Variants in PRR16 observed in about 807,000 individuals in gnomAD.
PRR16 encodes proline rich 16.
Under a neutral mutation model 18.2 loss-of-function variants are expected in PRR16, and 6 were observed. That is an observed-to-expected ratio of 0.33 (90% confidence interval 0.18 to 0.65). The LOEUF is 0.65. PRR16 is among the 30% of genes least tolerant of loss of function. The pLI is 0.74. For synonymous variants in PRR16, 151 were observed against 147.8 expected (o/e 1.02, Z -0.16); for missense variants, 412 against 376.6 (o/e 1.09, Z -0.78).
At chr5:120,725,493 C>T in the PRR16 span, among the ~76,000 whole-genome samples, 1 of 151,688 alleles carries the variant, frequency 6.6e-6, no homozygotes, top group Non-Finnish European at 1.5e-5. Context: ...TCCATCTCCG[C>T]ACAAAATTAA....
chr5:120,591,742 C>A (rs1447059723), intron 1 of PRR16, among the ~76,000 whole-genome samples: 1 of 151,982 alleles, frequency 6.6e-6, no homozygotes, highest in African/African-American at 2.4e-5. Flanking sequence ...TCGTTGATTT[C>A]AATTTTCAGA....
chr5:120,588,882 C>T (rs1753539567), intron 1 of PRR16, among the ~76,000 whole-genome samples: 1 of 152,046 alleles, frequency 6.6e-6, no homozygotes, highest in African/African-American at 2.4e-5. Flanking sequence ...TCTTTAATTT[C>T]TCTAAGTCTC....
intron 1 of PRR16, among the ~76,000 whole-genome samples, chr5:120,470,592 A>G (rs879128544): frequency 2.2e-4 from 34 of 152,118 alleles, no homozygotes; most frequent in Non-Finnish European, 4.0e-4. Flanking sequence ...TGGGTATTCT[A>G]TTTATTTCCA....
At chr5:120,622,202 G>A (rs1223129251) in intron 1 of PRR16, among the ~76,000 whole-genome samples, 6 of 152,062 alleles carry the variant, frequency 3.9e-5, no homozygotes, top group Admixed American at 1.3e-4. Flanking sequence ...AAGAGCATGA[G>A]TCTCATCTCC....
At chr5:120,620,755 C>A (rs543896352) in intron 1 of PRR16, among the ~76,000 whole-genome samples, 1 of 152,176 alleles carries the variant, frequency 6.6e-6, no homozygotes, top group South Asian at 2.1e-4. Context: ...CTAGTTTACT[C>A]CCCCTCCACC....
intron 1 of PRR16, among the ~76,000 whole-genome samples, chr5:120,551,818 T>G (rs1336525825): frequency 1.3e-5 from 2 of 151,958 alleles, no homozygotes; most frequent in Non-Finnish European, 2.9e-5. Flanking sequence ...TACTAGTAGG[T>G]TCTCTGACTT....
intron 1 of PRR16, among the ~76,000 whole-genome samples, chr5:120,478,939 T>A (rs1749525311): frequency 6.6e-6 from 1 of 152,140 alleles, no homozygotes; most frequent in Admixed American, 6.5e-5. Flanking sequence ...GGATATAGTT[T>A]AAGTAAGTTT....
the PRR16 span, among the ~76,000 whole-genome samples, chr5:120,734,410 T>A: frequency 6.6e-6 from 1 of 152,208 alleles, no homozygotes; most frequent in Non-Finnish European, 1.5e-5. Context: ...AATATGTTCT[T>A]TTCACTAGGA....
the PRR16 span, among the ~76,000 whole-genome samples, chr5:120,722,753 C>A: frequency 6.6e-6 from 1 of 152,080 alleles, no homozygotes; most frequent in South Asian, 2.1e-4. Flanking sequence ...CTACCACATA[C>A]TGCTGTGAGA....
chr5:120,530,192 G>T, intron 1 of PRR16, among the ~76,000 whole-genome samples: 1 of 139,956 alleles, frequency 7.1e-6, no homozygotes, highest in East Asian at 2.0e-4. Flanking sequence ...TATATATATA[G>T]AATATATATA....
At chr5:120,641,124 T>C (rs1755408588) in intron 1 of PRR16, among the ~76,000 whole-genome samples, 1 of 152,154 alleles carries the variant, frequency 6.6e-6, no homozygotes, top group Non-Finnish European at 1.5e-5. Context: ...AAACACAACT[T>C]TCGTCTAGCT....
intron 1 of PRR16, among the ~76,000 whole-genome samples, chr5:120,566,293 T>C (rs1580731675): frequency 6.6e-6 from 1 of 152,332 alleles, no homozygotes; most frequent in Middle Eastern, 3.4e-3. Context: ...CCTCCAGAAC[T>C]GTGAGCCAAA....
chr5:120,664,889 C>G (rs547898236), intron 1 of PRR16, among the ~76,000 whole-genome samples: 21 of 151,682 alleles, frequency 1.4e-4, no homozygotes, highest in African/African-American at 4.6e-4. Context: ...CAAGTCTTTG[C>G]TATTGTGAAT....
intron 1 of PRR16, among the ~76,000 whole-genome samples, chr5:120,574,599 C>G (rs1227521396): frequency 7.3e-6 from 1 of 136,316 alleles, no homozygotes; most frequent in African/African-American, 3.7e-5. Context: ...AAGACTCTGT[C>G]TCAAAAACAA....
At chr5:120,737,440 A>AT in the PRR16 span, among the ~76,000 whole-genome samples, 1 of 143,174 alleles carries the variant, frequency 7.0e-6, no homozygotes, top group African/African-American at 2.6e-5. Context: ...ACCTTGATTG[A>AT]TTTTTATATG....
At chr5:120,785,953 A>G in the PRR16 span, among the ~76,000 whole-genome samples, 1 of 150,774 alleles carries the variant, frequency 6.6e-6, no homozygotes, top group Admixed American at 6.6e-5. Flanking sequence ...CTTCCATGGC[A>G]ATATATATAT....
At chr5:120,775,695 T>C in the PRR16 span, among the ~76,000 whole-genome samples, 1 of 150,648 alleles carries the variant, frequency 6.6e-6, no homozygotes, top group South Asian at 2.1e-4. Context: ...CAATGGCACA[T>C]TCTCGGCTCA....
chr5:120,575,360 C>G (rs1166231464), intron 1 of PRR16, among the ~76,000 whole-genome samples: 1 of 146,256 alleles, frequency 6.8e-6, no homozygotes, highest in African/African-American at 2.5e-5. Flanking sequence ...CACACGAAAA[C>G]TACCAGCCAA....
At chr5:120,731,211 G>A in the PRR16 span, among the ~76,000 whole-genome samples, 1 of 152,188 alleles carries the variant, frequency 6.6e-6, no homozygotes, top group Non-Finnish European at 1.5e-5. Flanking sequence ...TATGTGGACA[G>A]TAGATATTTG....
Sources: gnomAD v4.1 joint callset for allele counts (sites outside exome capture counted in the v4.1 genomes callset) on GRCh38, gnomAD v4.1.1 for gene constraint, MANE v1.5 for transcripts, NCBI Gene and HGNC (gene_info 2026-07-23, HGNC 2026-07-21) for gene names.